The following FNTB variants were observed in gnomAD, a reference collection of about 807,000 sequenced individuals.
The protein encoded by FNTB is farnesyltransferase, CAAX box, subunit beta, also known as protein farnesyltransferase subunit beta.
FNTB carries 27 observed loss-of-function variants against 59.4 expected under a neutral mutation model. That is an observed-to-expected ratio of 0.45 (90% CI 0.34 to 0.63). FNTB has a LOEUF of 0.63. Ranked by LOEUF, FNTB falls within the 20% of genes least tolerant of loss-of-function variation. FNTB has a pLI of 0.02. For synonymous variants in FNTB, 230 were observed against 220.7 expected (o/e 1.04, Z -0.37); for missense variants, 449 against 559.6 (o/e 0.80, Z 1.99).
At position 65,061,389 on chromosome 14, in the gene FNTB, C is replaced by T. The variant is rs1249121969; in HGVS notation, c.*77C>T. ...GGTTTATACGTTTCAATACATACTG[C>T]ATTCTGTGCTACACAAGCCTTAGCC... On this transcript the variant is annotated 3_prime_UTR_variant, in exon 12 of 12. Transcript: ENST00000246166. The T allele has an allele frequency of 1.9e-6, 3 of 1,588,932 alleles. No individual in the cohort carries two copies. Among genetic ancestry groups the T allele is most frequent in the East Asian group, 4.5e-5 (2 of 44,598 alleles).
chr14:65,008,211 C>T (rs2061626316), intron 2 of FNTB, among the ~76,000 whole-genome samples: 1 of 152,194 alleles, frequency 6.6e-6, no homozygotes, highest in African/African-American at 2.4e-5. Flanking sequence ...TAGAAAGTCC[C>T]CAGGAACCAG....
Position 65,054,666 on chromosome 14 carries a change from C to T in FNTB, c.1159C>T (p.Leu387=), listed in dbSNP as rs368210294. The change falls in exon 11 of 12, where the codon CTG becomes TTG. Residue 387 remains leucine, a synonymous_variant. Transcript: ENST00000246166. This position sits in a 1 kb window ranked among gnomAD's most constrained non-coding sequence, Gnocchi z 4.4. ...CGGAGCCATGTTGCATGATGTGGTC[C>T]TGGGTGTGCCCGAAAACGCTCTGGT... ...GSGAMLHDVV[L]GVPENALQPT... The T allele has an allele frequency of 1.2e-6, 2 of 1,612,438 alleles. No homozygotes were observed. The highest frequency in any genetic ancestry group is 1.1e-5 in the South Asian group (1 of 90,620).
At position 65,011,070 on chromosome 14, in the gene FNTB, A is replaced by G. The variant is rs1024067683; in HGVS notation, c.210-1247A>G. Among the ~76,000 whole-genome samples, 5 of 152,174 alleles carry G rather than the reference A, an allele frequency of 3.3e-5. No homozygotes were observed. The highest frequency in any genetic ancestry group is 3.3e-4 in the Admixed American group (5 of 15,280). The stretch of plus-strand genomic sequence containing the variant: ...TGTTTTTCCCTTGCAAAACCTACCC[A>G]TTCTTTCCTTGTAGCCATTGATATA... On this transcript the variant is annotated intron_variant, in intron 2 of 11. Transcript: ENST00000246166. This position sits in a 1 kb window ranked among gnomAD's most constrained non-coding sequence, Gnocchi z 4.0.
intron 2 of FNTB, among the ~76,000 whole-genome samples, chr14:65,004,853 G>A (rs929699379): frequency 6.6e-6 from 1 of 152,042 alleles, no homozygotes; most frequent in Non-Finnish European, 1.5e-5. Context: ...AGTAGAGACA[G>A]GGTTTCACCG....
At chr14:65,041,103 C>A (rs1406074263) in intron 8 of FNTB, among the ~76,000 whole-genome samples, 184 bp downstream of exon 8, 1 of 152,148 alleles carries the variant, frequency 6.6e-6, no homozygotes, top group South Asian at 2.1e-4. Flanking sequence ...TTTCTGTCTT[C>A]CTGCTTAGAG....
At position 65,030,307 on chromosome 14, in the gene FNTB, C is replaced by A. The variant is rs1302655449; in HGVS notation, c.606-2303C>A. Among the ~76,000 whole-genome samples, 1 of 152,222 alleles carries A rather than the reference C, an allele frequency of 6.6e-6. No homozygotes were observed. Among genetic ancestry groups the A allele is most frequent in the African/African-American group, 2.4e-5 (1 of 41,462 alleles). ...TGTGACTCTTGTGTGCTCCCAATGC[C>A]TGCTGGTGGAACTAAACTTCCACTG... On this transcript the variant is annotated intron_variant, in intron 6 of 11. Transcript: ENST00000246166. This position sits in a 1 kb window ranked among gnomAD's most constrained non-coding sequence, Gnocchi z 4.5.
In FNTB at chr14:65,025,035, A is replaced by G. The variant is rs116446775; in HGVS notation, c.375-2418A>G. Reference sequence around the variant, plus strand: ...CTGGTAGTTCATAGTCAACTTGCCAATTCCTTAAGGTGCAAGTTGGAAAGC... The same window carrying G: ...CTGGTAGTTCATAGTCAACTTGCCAGTTCCTTAAGGTGCAAGTTGGAAAGC... On this transcript the variant is annotated intron_variant, in intron 4 of 11. Coordinates refer to ENST00000246166, the MANE Select transcript of FNTB (RefSeq NM_002028.4). Among the ~76,000 whole-genome samples the G allele has an allele frequency of 2.3e-3, 349 of 152,282 alleles. 1 individual carries two copies. Among genetic ancestry groups the G allele is most frequent in the African/African-American group, 7.8e-3 (323 of 41,550 alleles).
In FNTB at chr14:65,042,901, A is replaced by G. The variant is rs150187316; in HGVS notation, c.823-1410A>G. 8.6e-3 allele frequency among the ~76,000 whole-genome samples: 1,302 copies of G among 152,280 alleles called. 9 individuals carry two copies. Among genetic ancestry groups the G allele is most frequent in the Middle Eastern group, 0.027 (8 of 294 alleles). ...GGTTCATTTAAGATCAACCGAGGAT[A>G]TATTAGTACCTGAACCTGCAGTACA... On this transcript the variant is annotated intron_variant, in intron 8 of 11. Transcript: ENST00000246166.
chr14:65,037,836 G>A (rs1039694075), intron 7 of FNTB, among the ~76,000 whole-genome samples: 5 of 149,722 alleles, frequency 3.3e-5, no homozygotes, highest in South Asian at 2.1e-4. Flanking sequence ...GCTGGAGTGC[G>A]GTGGTGCAGA....
intron 1 of FNTB, chr14:64,987,350 C>T (rs1566858159): frequency 7.1e-6 from 4 of 559,614 alleles, no homozygotes; most frequent in Non-Finnish European, 1.3e-5. Context: ...CCCCTCTGCC[C>T]TAAAGAACGA....
intron 2 of FNTB, among the ~76,000 whole-genome samples, chr14:65,008,051 C>T (rs1384279804): frequency 6.6e-6 from 1 of 152,166 alleles, no homozygotes; most frequent in Non-Finnish European, 1.5e-5. Flanking sequence ...TTAGAATTTC[C>T]CAGATCCTGA....
In FNTB at chr14:65,014,662, A is replaced by AT. The variant is rs1820479961; in HGVS notation, c.283-963_283-962insT. Among the ~76,000 whole-genome samples, 3 of 152,196 alleles carry AT rather than the reference A, an allele frequency of 2.0e-5. No individual in the cohort carries two copies. The highest frequency in any genetic ancestry group is 1.3e-4 in the Admixed American group (2 of 15,276). ...GATGCTGTCTCTATAAAAACTTAAAAAATTAGCCAGGCATAGTGGTGTGTG... is the reference window on the plus strand; with the variant it reads ...GATGCTGTCTCTATAAAAACTTAAAATAATTAGCCAGGCATAGTGGTGTGTG... On this transcript the variant is annotated intron_variant, in intron 3 of 11. Transcript: ENST00000246166. This position sits in a 1 kb window ranked among gnomAD's most constrained non-coding sequence, Gnocchi z 5.1.
rs2061700940 is a variant in FNTB, at chr14:65,012,574, A to C, written c.282+185A>C. 6.6e-6 allele frequency among the ~76,000 whole-genome samples: 1 copy of C among 152,230 alleles called. No individual in the cohort carries two copies. Among genetic ancestry groups the C allele is most frequent in the Admixed American group, 6.5e-5 (1 of 15,288 alleles). Reference sequence around the variant, plus strand: ...ACTCAGCCCTGAAAGGGCAGAACCTAGTCTCTTCCAGAGTGAGTGGAGCAC... The same window carrying C: ...ACTCAGCCCTGAAAGGGCAGAACCTCGTCTCTTCCAGAGTGAGTGGAGCAC... On this transcript the variant is annotated intron_variant, in intron 3 of 11. Transcript: ENST00000246166. This position sits in a 1 kb window ranked among gnomAD's most constrained non-coding sequence, Gnocchi z 5.0.
At chr14:65,037,525 T>C (rs934883156) in intron 7 of FNTB, among the ~76,000 whole-genome samples, 1 of 139,726 alleles carries the variant, frequency 7.2e-6, no homozygotes, top group Admixed American at 7.4e-5. Context: ...GCCTCGACTT[T>C]CCAGGCTCAA....
At chr14:65,005,225 T>C (rs1594998076) in intron 2 of FNTB, among the ~76,000 whole-genome samples, 1 of 152,196 alleles carries the variant, frequency 6.6e-6, no homozygotes, top group Admixed American at 6.5e-5. Context: ...TAGGAAAAAA[T>C]TTATTATTTA....
At chr14:65,034,484 T>A (rs2062148862) in intron 7 of FNTB, among the ~76,000 whole-genome samples, 1 of 152,236 alleles carries the variant, frequency 6.6e-6, no homozygotes, top group Non-Finnish European at 1.5e-5. Flanking sequence ...TAAACTGTAG[T>A]CTTTCTGAAT....
intron 3 of FNTB, among the ~76,000 whole-genome samples, chr14:65,015,233 G>A (rs576855490): frequency 1.3e-4 from 20 of 151,616 alleles, no homozygotes; most frequent in African/African-American, 4.6e-4. Context: ...CTCCCAAGTC[G>A]CTGGGATTAC....
intron 8 of FNTB, among the ~76,000 whole-genome samples, chr14:65,043,798 C>T (rs568628391): frequency 4.8e-5 from 6 of 125,642 alleles, no homozygotes; most frequent in South Asian, 2.8e-4. Flanking sequence ...GTCCGCAGTC[C>T]GGCCTGGGCG....
chr14:65,002,911 A>G (rs1433119265), intron 1 of FNTB, among the ~76,000 whole-genome samples: 1 of 152,210 alleles, frequency 6.6e-6, no homozygotes, highest in African/African-American at 2.4e-5. Context: ...TCTGAAAAAC[A>G]TCTTAGATGA....
Sources: allele counts gnomAD v4.1 joint callset (sites outside exome capture counted in the v4.1 genomes callset), GRCh38; gene constraint gnomAD v4.1.1; non-coding constraint Gnocchi (gnomAD v3.1); transcripts MANE v1.5; gene names NCBI Gene and HGNC (gene_info 2026-07-23, HGNC 2026-07-21).